ANOS1: variants seen among roughly 807,000 people sequenced by gnomAD.
ANOS1 encodes anosmin 1, also known as anosmin-1.
ANOS1 carries 6 observed loss-of-function variants against 59.0 expected under a neutral mutation model. The ratio of observed to expected loss-of-function variants is 0.10; its 90% confidence interval spans 0.06 to 0.20. ANOS1 has a LOEUF of 0.20. Ranked by LOEUF, ANOS1 falls within the 10% of genes least tolerant of loss-of-function variation. The pLI is 1.00. For synonymous variants in ANOS1, 217 were observed against 223.4 expected, an observed-to-expected ratio of 0.97 and a Z score of 0.25; for missense variants, 433 against 542.3, an observed-to-expected ratio of 0.80 and a Z score of 2.00.
intron 2 of ANOS1, among the ~76,000 whole-genome samples, chrX:8,664,893 CT>C (rs1183392110): frequency 8.9e-6 from 1 of 111,761 alleles, no homozygotes; most frequent in Non-Finnish European, 1.9e-5. Context: ...GTGATTATGG[CT>C]TTTGGGGCAC....
rs1450703683 is a variant in ANOS1, at chrX:8,533,018, T to C, written c.2020A>G (p.Lys674Glu). Residue 674 changes from lysine to glutamate, a missense_variant, in exon 14 of 14, where the codon AAG (lysine) becomes GAG (glutamate). By Grantham distance (56) the Lys-to-Glu change is moderately conservative. Coordinates refer to ENST00000262648, the MANE Select transcript of ANOS1 (RefSeq NM_000216.4). ...HLKHRHPHHY[K>E]PSPERY is the part of the protein sequence containing the mutation. The stretch of plus-strand genomic sequence containing the variant: ...GTTTAGTATCTTTCTGGAGAAGGCT[T>C]GTAATGATGTGGATGACGATGCTTA... The C allele has an allele frequency of 4.3e-6, 5 of 1,169,313 alleles. No individual in the cohort carries two copies. The highest frequency in any genetic ancestry group is 5.8e-6 in the Non-Finnish European group (5 of 857,987).
chrX:8,670,493 T>C (rs1037916725), intron 2 of ANOS1, among the ~76,000 whole-genome samples: 1 of 110,335 alleles, frequency 9.1e-6, no homozygotes, highest in Non-Finnish European at 1.9e-5. Flanking sequence ...TTTCAGAAAA[T>C]GCCAGTCCTC....
At chrX:8,548,780 C>T (rs1929810543) in intron 9 of ANOS1, among the ~76,000 whole-genome samples, 1 of 112,375 alleles carries the variant, frequency 8.9e-6, no homozygotes, top group South Asian at 3.7e-4. Flanking sequence ...AGAGTGTTCT[C>T]TGGCCAGCAT....
chrX:8,723,234 T>C (rs1448679829), intron 1 of ANOS1, among the ~76,000 whole-genome samples: 1 of 112,470 alleles, frequency 8.9e-6, no homozygotes, highest in Non-Finnish European at 1.9e-5. Flanking sequence ...TGAAGAGCTT[T>C]TGCGCGGCAA....
chrX:8,603,806 T>TG (rs1763858030), intron 3 of ANOS1, among the ~76,000 whole-genome samples: 1 of 112,096 alleles, frequency 8.9e-6, no homozygotes, highest in African/African-American at 3.2e-5. Context: ...AGTCAGGGAA[T>TG]GGGGGGCTTC....
intron 3 of ANOS1, among the ~76,000 whole-genome samples, chrX:8,613,351 G>A (rs1050190161): frequency 3.7e-5 from 4 of 109,516 alleles, no homozygotes; most frequent in Non-Finnish European, 7.6e-5. Flanking sequence ...GGGACCACAG[G>A]TGACCACAAG....
rs759272802 is a variant in ANOS1 at position 8,570,631 on chromosome X, G to A, written c.930C>T (p.Thr310=). ...NSTVNSDGSV[T]VTIVWDLPEE... ...CGGGGAGATCCCAAACTATAGTGAC[G>A]GTCACACTCCCATCACTGTTGACGG... The change falls in exon 7 of 14, where the codon ACC becomes ACT. Residue 310 remains threonine (T), a synonymous_variant. Coordinates refer to ENST00000262648, the MANE Select transcript of ANOS1 (RefSeq NM_000216.4). 6.6e-6 allele frequency: 8 copies of A among 1,211,283 alleles called. No homozygotes were observed. The highest frequency in any genetic ancestry group is 5.9e-5 in the East Asian group (2 of 33,833).
chrX:8,616,464 G>A (rs1931178687), intron 3 of ANOS1, among the ~76,000 whole-genome samples: 1 of 111,028 alleles, frequency 9.0e-6, no homozygotes, highest in African/African-American at 3.3e-5. Context: ...TTCATGCATG[G>A]CATTTGTTCT....
intron 3 of ANOS1, among the ~76,000 whole-genome samples, chrX:8,598,737 T>C (rs764580396): frequency 2.7e-5 from 3 of 112,434 alleles, no homozygotes; most frequent in Admixed American, 9.4e-5. Context: ...ACATGAAGTC[T>C]GCTTGAATGT....
chrX:8,724,669 G>A (rs756569911), intron 1 of ANOS1, among the ~76,000 whole-genome samples: 6 of 112,252 alleles, frequency 5.3e-5, no homozygotes, highest in South Asian at 3.7e-4. Context: ...TACAGGAGCC[G>A]GGGGATGGTG....
Position 8,531,968 on chromosome X carries a change from T to C in ANOS1, c.*1027A>G, listed in dbSNP as rs1252956114. ...AAGATATACTAGATTTGAAAGCATA[T>C]GGGTGAATTAAATGCAAATAACTGT... On this transcript the variant is annotated 3_prime_UTR_variant, in exon 14 of 14. Coordinates refer to ENST00000262648, the MANE Select transcript of ANOS1 (RefSeq NM_000216.4). 9.0e-6 allele frequency: 1 copy of C among 111,714 alleles called. No homozygotes were observed. The highest frequency in any genetic ancestry group is 1.9e-5 in the Non-Finnish European group (1 of 53,173). 9.2% of individuals were successfully genotyped at this position (111,714 alleles called of 1,213,427 possible). A position where few individuals can be genotyped will look rare whatever the true frequency, so the allele number is the denominator to read the frequency against.
rs188536385 is a variant in ANOS1, at chrX:8,637,763, G to A, written c.256-14093C>T. ...CCATCACACCCACCTTCCAGTGGAA[G>A]AGGAAGTAGAAGCTGCATTTCCCAG... On this transcript the variant is annotated intron_variant, in intron 2 of 13. Transcript: ENST00000262648. 2.8e-4 allele frequency among the ~76,000 whole-genome samples: 32 copies of A among 112,754 alleles called. No individual in the cohort carries two copies. The East Asian group carries it at 7.8e-3, about 27-fold the overall frequency.
intron 2 of ANOS1, among the ~76,000 whole-genome samples, chrX:8,629,603 A>C: frequency 9.0e-6 from 1 of 111,589 alleles, no homozygotes; most frequent in Non-Finnish European, 1.9e-5. Context: ...ACAACCAATA[A>C]GACTATTTCA....
chrX:8,724,621 C>T (rs947895932), intron 1 of ANOS1, among the ~76,000 whole-genome samples: 7 of 112,324 alleles, frequency 6.2e-5, no homozygotes, highest in Admixed American at 2.8e-4. Flanking sequence ...AAAGGTTATT[C>T]CCTTAAAAGG....
intron 6 of ANOS1, among the ~76,000 whole-genome samples, chrX:8,574,650 T>TC (rs1213744087): frequency 8.9e-6 from 1 of 111,842 alleles, no homozygotes; most frequent in Non-Finnish European, 1.9e-5. Flanking sequence ...AACATCAGAC[T>TC]CCAAGTTCTT....
At chrX:8,714,142 A>G (rs1177081279) in intron 1 of ANOS1, among the ~76,000 whole-genome samples, 3 of 112,028 alleles carry the variant, frequency 2.7e-5, no homozygotes, top group Admixed American at 1.9e-4. Flanking sequence ...TCTTGGCCTC[A>G]TCTCAGTCTC....
At chrX:8,699,864 C>T (rs1932736859) in intron 1 of ANOS1, 119 bp from the exon 2 acceptor site, 2 of 477,411 alleles carry the variant, frequency 4.2e-6, no homozygotes, top group Non-Finnish European at 3.5e-6. Context: ...AACAAATACC[C>T]AATCTTGCAA....
At chrX:8,662,547 TC>T (rs1932056997) in intron 2 of ANOS1, among the ~76,000 whole-genome samples, 1 of 111,842 alleles carries the variant, frequency 8.9e-6, no homozygotes, top group Non-Finnish European at 1.9e-5. Flanking sequence ...TGGACTGTGT[TC>T]CCCCCAAAAT....
chrX:8,699,649 C>A, intron 2 of ANOS1, 49 bp downstream of exon 2: 1 of 1,010,868 alleles, frequency 9.9e-7, no homozygotes, highest in Non-Finnish European at 1.4e-6. Flanking sequence ...TATAATTATT[C>A]CAAAATTAAA....
Sources: allele counts gnomAD v4.1 joint callset (sites outside exome capture counted in the v4.1 genomes callset), GRCh38; gene constraint gnomAD v4.1.1; transcripts MANE v1.5; gene names NCBI Gene and HGNC (gene_info 2026-07-23, HGNC 2026-07-21).